The following URM1 variants were observed in gnomAD, a reference collection of about 807,000 sequenced individuals.
URM1 encodes ubiquitin related modifier 1, also known as ubiquitin-related modifier 1.
URM1 carries 11 observed loss-of-function variants against 17.7 expected under a neutral mutation model. The observed-to-expected ratio is 0.62, with a 90% CI of 0.39 to 1.03. The LOEUF (loss-of-function observed/expected upper bound fraction) is 1.03, where lower values mean the gene tolerates loss of function less well. URM1 is among the 50% of genes least tolerant of loss of function. The pLI is 0.00. For synonymous variants in URM1, 48 were observed against 50.6 expected (o/e 0.95, Z 0.22); for missense variants, 128 against 129.2 (o/e 0.99, Z 0.04).
At position 128,390,043 on chromosome 9, in the gene URM1, T is replaced by C. The variant is rs1409621371; in HGVS notation, c.*309T>C. 1 of 450,872 alleles carries C rather than the reference T, an allele frequency of 2.2e-6. No homozygotes were observed. The highest frequency in any genetic ancestry group is 4.0e-6 in the Non-Finnish European group (1 of 251,112). 27.9% of individuals were successfully genotyped at this position (450,872 alleles called of 1,614,324 possible). A position where few individuals can be genotyped will look rare whatever the true frequency, so the allele number is the denominator to read the frequency against. On this transcript the variant is annotated 3_prime_UTR_variant, in exon 5 of 5. Transcript: ENST00000372853. The stretch of plus-strand genomic sequence containing the variant: ...TCTGTGGCCAGGTGACCTGGCTGCC[T>C]TCCACTCCTTGTACCTCAGTCTAAA...
intron 3 of URM1, chr9:128,388,157 G>A (rs970394223): frequency 2.7e-5 from 35 of 1,281,650 alleles, no homozygotes; most frequent in Non-Finnish European, 3.4e-5. Context: ...CAGACTTGCT[G>A]TGGGACCTTA....
intron 2 of URM1, among the ~76,000 whole-genome samples, chr9:128,381,816 C>T (rs1833163097): frequency 6.6e-6 from 1 of 152,384 alleles, no homozygotes; most frequent in East Asian, 1.9e-4. Context: ...CACTGAATTT[C>T]AGAGTCCTGG....
rs2240946 is a variant in URM1 at position 128,388,322 on chromosome 9, A to G, written c.188+425A>G. 2.7e-3 allele frequency: 2,691 copies of G among 1,013,800 alleles called. 93 individuals are homozygous for G. In the East Asian group the frequency reaches 0.11, roughly 41 times the overall value. 62.8% of individuals were successfully genotyped at this position (1,013,800 alleles called of 1,614,324 possible). A position where few individuals can be genotyped will look rare whatever the true frequency, so the allele number is the denominator to read the frequency against. ...CAGCTAGTAGATTACCATACAGTGC[A>G]GCACGGGTCTAGAATTCCAAGGAGT... On this transcript the variant is annotated intron_variant, in intron 3 of 4. Transcript: ENST00000372853.
rs773074614 is a variant in URM1, at chr9:128,389,746, T to C, written c.*12T>C. The stretch of plus-strand genomic sequence containing the variant: ...TGCACGGCGGCTGAGGGCCCTTCTC[T>C]GGGCCTGGGCACCCTTAGAGGGGAG... On this transcript the variant is annotated 3_prime_UTR_variant, in exon 5 of 5. Transcript: ENST00000372853. 23 of 1,613,278 alleles carry C rather than the reference T, an allele frequency of 1.4e-5. No homozygotes were observed. The highest frequency in any genetic ancestry group is 1.6e-4 in the Middle Eastern group (1 of 6,082).
intron 2 of URM1, among the ~76,000 whole-genome samples, chr9:128,381,049 C>T (rs1413981499): frequency 6.6e-6 from 1 of 152,136 alleles, no homozygotes; most frequent in Non-Finnish European, 1.5e-5. Flanking sequence ...TGGTCTCGAT[C>T]TCCTGACCTG....
At chr9:128,378,819 C>T (rs577804459) in intron 2 of URM1, among the ~76,000 whole-genome samples, 8 of 147,888 alleles carry the variant, frequency 5.4e-5, no homozygotes, top group South Asian at 4.3e-4. Flanking sequence ...TAGCGGTGCG[C>T]GCTTGTAATC....
At chr9:128,389,372 T>C (rs759214807) in intron 4 of URM1, 63 bp downstream of exon 4, 37 of 1,613,646 alleles carry the variant, frequency 2.3e-5, no homozygotes, top group Admixed American at 1.8e-4. Context: ...TGGGAAAGCG[T>C]TGGGCCTCTC....
chr9:128,377,892 A>C, intron 1 of URM1, 144 bp from the exon 2 acceptor site: 1 of 736,012 alleles, frequency 1.4e-6, no homozygotes, highest in Non-Finnish European at 2.3e-6. Flanking sequence ...AGAATTAGTC[A>C]CTGCACCCAA....
chr9:128,385,536 G>A (rs2131298860), intron 2 of URM1, among the ~76,000 whole-genome samples: 1 of 152,244 alleles, frequency 6.6e-6, no homozygotes, highest in African/African-American at 2.4e-5. Context: ...GAGTGGGAAG[G>A]TGAAAGTGAG....
At chr9:128,375,605 G>T (rs1833065921) in intron 1 of URM1, among the ~76,000 whole-genome samples, 2 of 152,062 alleles carry the variant, frequency 1.3e-5, no homozygotes, top group African/African-American at 2.4e-5. Context: ...TGTCGCCCAG[G>T]CTGCAGTACA....
chr9:128,377,935 G>A (rs948246012), intron 1 of URM1, 101 bp from the exon 2 acceptor site: 45 of 1,220,532 alleles, frequency 3.7e-5, no homozygotes, highest in East Asian at 2.9e-4. Flanking sequence ...TGCTTCTCTC[G>A]GCCTTCATTA....
intron 1 of URM1, among the ~76,000 whole-genome samples, chr9:128,374,056 GAT>G (rs1245982151): frequency 6.6e-6 from 1 of 152,148 alleles, no homozygotes; most frequent in East Asian, 1.9e-4. Context: ...GGAAGATGGA[GAT>G]ATGTCAGTTG....
chr9:128,391,712 G>C lies in URM1; in HGVS notation c.*1978G>C, dbSNP rs1361099051. The C allele has an allele frequency of 3.9e-5, 6 of 152,354 alleles. No homozygotes were observed. The highest frequency in any genetic ancestry group is 1.4e-4 in the African/African-American group (6 of 41,560). 9.4% of individuals were successfully genotyped at this position (152,354 alleles called of 1,614,324 possible). ...ATCCGTTTCCCTGGCTGCAGAGAGT[G>C]GGAGGTGTGATGTGGAATATCCCTT... On this transcript the variant is annotated 3_prime_UTR_variant, in exon 5 of 5. Coordinates refer to ENST00000372853, the MANE Select transcript of URM1 (RefSeq NM_030914.4).
chr9:128,375,945 G>T (rs1187430043), intron 1 of URM1, among the ~76,000 whole-genome samples: 1 of 152,170 alleles, frequency 6.6e-6, no homozygotes, highest in African/African-American at 2.4e-5. Context: ...TGGAGCCTGG[G>T]CTTCACATCG....
At chr9:128,377,860 T>C in intron 1 of URM1, 176 bp from the exon 2 acceptor site, 1 of 654,390 alleles carries the variant, frequency 1.5e-6, no homozygotes, top group Non-Finnish European at 2.7e-6. Context: ...AACCTGTCTC[T>C]AAGAAAGAAA....
At chr9:128,371,489 G>T in intron 1 of URM1, 74 bp downstream of exon 1, 2 of 1,514,446 alleles carry the variant, frequency 1.3e-6, no homozygotes, top group Non-Finnish European at 1.8e-6. Context: ...CTTCTGCCGT[G>T]GGGCCTGACA....
chr9:128,377,932 C>A, intron 1 of URM1, 104 bp from the exon 2 acceptor site: 1 of 1,195,936 alleles, frequency 8.4e-7, no homozygotes, highest in Non-Finnish European at 1.2e-6. Context: ...CTCTGCTTCT[C>A]TCGGCCTTCA....
chr9:128,383,965 A>T (rs1264196264), intron 2 of URM1, among the ~76,000 whole-genome samples: 1 of 152,160 alleles, frequency 6.6e-6, no homozygotes, highest in East Asian at 1.9e-4. Flanking sequence ...AGGAATCTGA[A>T]GTCACTGTGG....
intron 2 of URM1, among the ~76,000 whole-genome samples, chr9:128,386,003 T>C (rs1195857605): frequency 6.6e-6 from 1 of 152,198 alleles, no homozygotes; most frequent in Non-Finnish European, 1.5e-5. Context: ...TGCCATCGTT[T>C]GGATGACTCC....
Sources: allele counts gnomAD v4.1 joint callset (sites outside exome capture counted in the v4.1 genomes callset), GRCh38; gene constraint gnomAD v4.1.1; transcripts MANE v1.5; gene names NCBI Gene and HGNC (gene_info 2026-07-23, HGNC 2026-07-21).